SNTB1: variants seen among roughly 807,000 people sequenced by gnomAD.
SNTB1 encodes syntrophin beta 1, also known as beta-1-syntrophin.
A neutral mutation model predicts 48.9 loss-of-function variants in SNTB1; 36 were observed. The ratio of observed to expected loss-of-function variants is 0.74; its 90% confidence interval spans 0.56 to 0.97. The LOEUF is 0.97. Among genes scored for constraint, SNTB1 ranks in the 50% least tolerant of loss-of-function variants. The pLI, the probability that SNTB1 is intolerant of heterozygous loss-of-function variation, is 0.00. For synonymous variants in SNTB1, 299 were observed against 294.6 expected (o/e 1.01, Z -0.15); for missense variants, 786 against 703.4 (o/e 1.12, Z -1.33).
chr8:120,602,152 A>G (rs1816431067), intron 3 of SNTB1, among the ~76,000 whole-genome samples: 2 of 152,270 alleles, frequency 1.3e-5, no homozygotes, highest in Non-Finnish European at 1.5e-5. Context: ...GATGGAAAGC[A>G]GAGGCTTTTG....
At chr8:120,734,688 A>G (rs1818913125) in intron 1 of SNTB1, among the ~76,000 whole-genome samples, 1 of 152,180 alleles carries the variant, frequency 6.6e-6, no homozygotes, top group Non-Finnish European at 1.5e-5. Flanking sequence ...CAGAACCAGA[A>G]GGATGAAGCC....
At chr8:120,747,017 G>A (rs940042031) in intron 1 of SNTB1, among the ~76,000 whole-genome samples, 28 of 151,980 alleles carry the variant, frequency 1.8e-4, no homozygotes, top group African/African-American at 3.9e-4. Context: ...CGGAATACTC[G>A]GAAGCAATGA....
Position 120,592,265 on chromosome 8 carries a change from T to G in SNTB1, c.997-17040A>C, listed in dbSNP as rs1359708707. Among the ~76,000 whole-genome samples, 4 of 152,086 alleles carry G rather than the reference T, an allele frequency of 2.6e-5. No homozygotes were observed. In the East Asian group the frequency reaches 7.7e-4, roughly 29 times the overall value. On this transcript the variant is annotated intron_variant, in intron 3 of 6. Transcript: ENST00000517992. ...GTCGTGATCACGGCATGCTGCAGCC[T>G]CAAACTCTTGGGGTCAAGGGATCCT...
intron 3 of SNTB1, among the ~76,000 whole-genome samples, chr8:120,611,158 C>A (rs889433617): frequency 1.1e-4 from 17 of 152,128 alleles, no homozygotes; most frequent in African/African-American, 4.1e-4. Context: ...TTCTTGATAA[C>A]GCTAAACAGA....
At chr8:120,743,537 T>C (rs1017418460) in intron 1 of SNTB1, among the ~76,000 whole-genome samples, 22 of 152,184 alleles carry the variant, frequency 1.4e-4, no homozygotes, top group African/African-American at 4.1e-4. Context: ...TGAAGGAAGA[T>C]GAAATTCTAA....
intron 1 of SNTB1, among the ~76,000 whole-genome samples, chr8:120,734,446 CA>C (rs58092888): frequency 0.02 from 2,217 of 109,416 alleles, 19 homozygotes; most frequent in Non-Finnish European, 0.029. Context: ...GATTCTGTCT[CA>C]AAAAAAAAAA....
chr8:120,560,108 C>A, intron 4 of SNTB1, among the ~76,000 whole-genome samples: 1 of 152,116 alleles, frequency 6.6e-6, no homozygotes, highest in Non-Finnish European at 1.5e-5. Context: ...GAGGGGTTTC[C>A]CAGGAACACT....
intron 4 of SNTB1, among the ~76,000 whole-genome samples, chr8:120,559,830 A>G (rs1306513467): frequency 6.6e-6 from 1 of 152,202 alleles, no homozygotes; most frequent in African/African-American, 2.4e-5. Context: ...CCAAATTAGT[A>G]AAATTACATA....
intron 1 of SNTB1, among the ~76,000 whole-genome samples, chr8:120,735,843 G>A (rs1243465245): frequency 3.3e-5 from 5 of 152,230 alleles, no homozygotes; most frequent in Non-Finnish European, 5.9e-5. Flanking sequence ...GCAGGAGGCA[G>A]GAAGAGGTTG....
chr8:120,675,039 G>A (rs993379259), intron 2 of SNTB1, among the ~76,000 whole-genome samples: 1 of 152,180 alleles, frequency 6.6e-6, no homozygotes, highest in Admixed American at 6.5e-5. Flanking sequence ...AAGAAAGTCA[G>A]CTGCAAATAG....
At chr8:120,744,896 C>T (rs1301080897) in intron 1 of SNTB1, among the ~76,000 whole-genome samples, 1 of 152,056 alleles carries the variant, frequency 6.6e-6, no homozygotes, top group Non-Finnish European at 1.5e-5. Context: ...ATATAGATAT[C>T]CCAAGTTCCA....
At chr8:120,602,733 A>G (rs2130720816) in intron 3 of SNTB1, among the ~76,000 whole-genome samples, 1 of 152,034 alleles carries the variant, frequency 6.6e-6, no homozygotes, top group South Asian at 2.1e-4. Flanking sequence ...AATATTTTCT[A>G]TTCTATTTAA....
At chr8:120,809,807 G>A (rs551273882) in intron 1 of SNTB1, among the ~76,000 whole-genome samples, 1 of 152,256 alleles carries the variant, frequency 6.6e-6, no homozygotes, top group Non-Finnish European at 1.5e-5. Context: ...CACTTTCTGG[G>A]TCCAGGGTGG....
chr8:120,703,775 C>T (rs573109140), intron 1 of SNTB1, among the ~76,000 whole-genome samples: 3 of 152,292 alleles, frequency 2.0e-5, no homozygotes, highest in East Asian at 1.9e-4. Flanking sequence ...GGTGGACCCA[C>T]GGGCTGTAGT....
chr8:120,691,931 C>T (rs1446623596), intron 2 of SNTB1, among the ~76,000 whole-genome samples: 1 of 152,028 alleles, frequency 6.6e-6, no homozygotes, highest in East Asian at 1.9e-4. Context: ...GGTAAAAGCC[C>T]AGGGAAAAGG....
chr8:120,731,057 G>A (rs1818841522), intron 1 of SNTB1, among the ~76,000 whole-genome samples: 1 of 152,108 alleles, frequency 6.6e-6, no homozygotes, highest in Non-Finnish European at 1.5e-5. Flanking sequence ...GAAGGTGGAG[G>A]TTGCCATGAG....
chr8:120,552,891 C>T (rs1358437424), intron 4 of SNTB1, among the ~76,000 whole-genome samples: 1 of 151,966 alleles, frequency 6.6e-6, no homozygotes, highest in African/African-American at 2.4e-5. Flanking sequence ...ACTAGATGGT[C>T]CCATCTGGGG....
intron 1 of SNTB1, among the ~76,000 whole-genome samples, chr8:120,709,503 A>G (rs996383245): frequency 6.6e-6 from 1 of 152,180 alleles, no homozygotes; most frequent in African/African-American, 2.4e-5. Context: ...ATGTTTCATG[A>G]CAATTGTAAT....
intron 3 of SNTB1, among the ~76,000 whole-genome samples, chr8:120,584,943 G>A (rs1816114471): frequency 6.6e-6 from 1 of 152,084 alleles, no homozygotes; most frequent in South Asian, 2.1e-4. Flanking sequence ...GTGGTGACCT[G>A]AAACTAGGAG....
Sources: allele counts gnomAD v4.1 joint callset (sites outside exome capture counted in the v4.1 genomes callset), GRCh38; gene constraint gnomAD v4.1.1; transcripts MANE v1.5; gene names NCBI Gene and HGNC (gene_info 2026-07-23, HGNC 2026-07-21).